SOX5: variants seen among roughly 807,000 people sequenced by gnomAD.
The protein encoded by SOX5 is transcription factor SOX-5.
SOX5 carries 9 observed loss-of-function variants against 92.0 expected under a neutral mutation model. The ratio of observed to expected loss-of-function variants is 0.10; its 90% CI spans 0.06 to 0.17. The LOEUF (loss-of-function observed/expected upper bound fraction) is 0.17. Ranked by LOEUF, SOX5 falls within the 10% of genes least tolerant of loss-of-function variation. SOX5 has a pLI of 1.00. For synonymous variants in SOX5, 344 were observed against 336.3 expected (o/e 1.02, Z -0.25); for missense variants, 642 against 944.5 (o/e 0.68, Z 4.20).
rs10627494 is a variant in SOX5 at position 24,331,848 on chromosome 12, CAAAAAAAA to C, written c.-174+36707_-174+36714del. On this transcript the variant is annotated intron_variant, in intron 2 of 4. Transcript: ENST00000446891. ...GCCTGGGAACAGAGCAAGACTGTCT[CAAAAAAAA>C]AAAAAAAAAAAAAAAAAAAGGAAAG... Among the ~76,000 whole-genome samples, 224 of 31,672 alleles carry C rather than the reference CAAAAAAAA, an allele frequency of 7.1e-3. 2 individuals are homozygous for C. Among genetic ancestry groups the C allele is most frequent in the African/African-American group, 0.031 (216 of 6,888 alleles). 20.8% of individuals were successfully genotyped at this position (31,672 alleles called of 152,430 possible).
chr12:24,164,285 T>C (rs974410476), intron 4 of SOX5, among the ~76,000 whole-genome samples: 3 of 152,104 alleles, frequency 2.0e-5, no homozygotes, highest in African/African-American at 7.2e-5. Flanking sequence ...TTTCAGAGTA[T>C]ATAAAGTTAA....
At chr12:24,559,812 C>T (rs1597946984) in intron 1 of SOX5, among the ~76,000 whole-genome samples, 2 of 151,966 alleles carry the variant, frequency 1.3e-5, no homozygotes, top group African/African-American at 4.8e-5. Context: ...TTTTCTTTTA[C>T]CAAACCACGT....
intron 4 of SOX5, among the ~76,000 whole-genome samples, chr12:24,149,751 C>T (rs1183414990): frequency 6.6e-6 from 1 of 152,074 alleles, no homozygotes; most frequent in East Asian, 1.9e-4. Flanking sequence ...AACAGCCGAT[C>T]TAGAAACAAC....
At chr12:24,548,099 T>C (rs1267341551) in intron 1 of SOX5, among the ~76,000 whole-genome samples, 3 of 152,156 alleles carry the variant, frequency 2.0e-5, no homozygotes, top group African/African-American at 2.4e-5. Flanking sequence ...ATAAAGTAAA[T>C]GTAATTATAC....
chr12:24,537,124 C>T (rs1951708909), intron 1 of SOX5, among the ~76,000 whole-genome samples: 1 of 152,118 alleles, frequency 6.6e-6, no homozygotes, highest in Non-Finnish European at 1.5e-5. Flanking sequence ...AATGTAATTC[C>T]TCAAATTGGA....
At chr12:24,341,367 A>G (rs1952556160) in intron 2 of SOX5, among the ~76,000 whole-genome samples, 1 of 152,144 alleles carries the variant, frequency 6.6e-6, no homozygotes, top group Non-Finnish European at 1.5e-5. Context: ...AGTCCCAGCT[A>G]CTTGGCAGGC....
chr12:23,879,956 G>C (rs2096969262), intron 2 of SOX5, among the ~76,000 whole-genome samples: 2 of 152,156 alleles, frequency 1.3e-5, no homozygotes, highest in Non-Finnish European at 2.9e-5. Context: ...AAGTCTCCAA[G>C]GCAAGCTAGG....
chr12:24,266,042 G>GTGTGTGTGTC (rs1021673048), intron 3 of SOX5, among the ~76,000 whole-genome samples: 1 of 49,198 alleles, frequency 2.0e-5, no homozygotes, highest in African/African-American at 1.0e-4. Context: ...TAATGTGTGT[G>GTGTGTGTGTC]TGTGTGTGTG....
intron 3 of SOX5, among the ~76,000 whole-genome samples, chr12:23,841,844 A>G (rs144267025): frequency 3.2e-4 from 49 of 152,252 alleles, no homozygotes; most frequent in Non-Finnish European, 6.8e-4. Flanking sequence ...AGGCTATTCT[A>G]CATGATACTG....
intron 3 of SOX5, among the ~76,000 whole-genome samples, chr12:23,819,725 A>T (rs1396544334): frequency 1.3e-5 from 2 of 152,116 alleles, no homozygotes; most frequent in South Asian, 2.1e-4. Context: ...GATGGTTTCC[A>T]GTGTATCCAT....
At chr12:24,272,192 A>C (rs2140333162) in intron 3 of SOX5, among the ~76,000 whole-genome samples, 1 of 152,152 alleles carries the variant, frequency 6.6e-6, no homozygotes, top group Non-Finnish European at 1.5e-5. Context: ...TTCCCCATAG[A>C]AATATTGTGC....
At chr12:23,682,757 A>G (rs2086829555) in intron 6 of SOX5, among the ~76,000 whole-genome samples, 1 of 151,902 alleles carries the variant, frequency 6.6e-6, no homozygotes, top group Non-Finnish European at 1.5e-5. Context: ...ATGTTTGAAA[A>G]AATACATACA....
chr12:23,685,889 A>G (rs2087472918), intron 6 of SOX5, among the ~76,000 whole-genome samples: 2 of 152,170 alleles, frequency 1.3e-5, no homozygotes, highest in Non-Finnish European at 2.9e-5. Flanking sequence ...AATTAACACA[A>G]TCAAGTATTC....
intron 4 of SOX5, among the ~76,000 whole-genome samples, chr12:24,049,884 T>C (rs1443365219): frequency 6.6e-6 from 1 of 151,920 alleles, no homozygotes; most frequent in African/African-American, 2.4e-5. Context: ...GTGCAATTTG[T>C]CCATGTTTTA....
chr12:23,693,126 G>A (rs973800494), intron 6 of SOX5, among the ~76,000 whole-genome samples: 28 of 151,396 alleles, frequency 1.8e-4, no homozygotes, highest in Admixed American at 1.1e-3. Flanking sequence ...TTTTATTATT[G>A]TTGTTGTTGT....
chr12:24,317,480 G>C (rs963536648), intron 2 of SOX5, among the ~76,000 whole-genome samples: 3 of 152,182 alleles, frequency 2.0e-5, no homozygotes, highest in Non-Finnish European at 4.4e-5. Flanking sequence ...TCTTGGTCTA[G>C]TCATTTAAGA....
chr12:23,582,102 C>G, intron 9 of SOX5: 8 of 963,978 alleles, frequency 8.3e-6, no homozygotes, highest in Non-Finnish European at 8.6e-6. Flanking sequence ...ATCGTATTAA[C>G]CTAAGTAGGG....
intron 4 of SOX5, among the ~76,000 whole-genome samples, chr12:24,153,559 T>C (rs1031527381): frequency 6.6e-6 from 1 of 152,120 alleles, no homozygotes; most frequent in African/African-American, 2.4e-5. Flanking sequence ...ACCTACCCTA[T>C]CTATGTCCTG....
intron 4 of SOX5, among the ~76,000 whole-genome samples, chr12:24,182,629 G>A (rs988001733): frequency 3.3e-5 from 5 of 150,822 alleles, no homozygotes; most frequent in African/African-American, 7.3e-5. Flanking sequence ...TTTCTCCAAC[G>A]TACTTTAAGG....
Sources: allele counts gnomAD v4.1 joint callset (sites outside exome capture counted in the v4.1 genomes callset), GRCh38; gene constraint gnomAD v4.1.1; transcripts MANE v1.5; gene names NCBI Gene and HGNC (gene_info 2026-07-23, HGNC 2026-07-21).